PPM1E: variants seen among roughly 807,000 people sequenced by gnomAD.
PPM1E encodes protein phosphatase 1E.
A neutral mutation model predicts 65.9 loss-of-function variants in PPM1E; 20 were observed. The ratio of observed to expected loss-of-function variants is 0.30; its 90% confidence interval spans 0.21 to 0.44. The LOEUF is 0.44. Among genes scored for constraint, PPM1E ranks in the 20% least tolerant of loss-of-function variants. PPM1E has a pLI of 1.00. For missense variants in PPM1E, 713 were observed against 953.1 expected (o/e 0.75, Z 3.32); for synonymous variants, 352 against 374.9 (o/e 0.94, Z 0.70).
chr17:58,921,154 G>C (rs1177345555), intron 1 of PPM1E, among the ~76,000 whole-genome samples: 1 of 152,238 alleles, frequency 6.6e-6, no homozygotes, highest in Non-Finnish European at 1.5e-5. Flanking sequence ...TGAATGGAAT[G>C]AGTTTAAGAG....
intron 1 of PPM1E, among the ~76,000 whole-genome samples, chr17:58,913,564 G>A (rs1408350614): frequency 2.0e-5 from 3 of 152,146 alleles, no homozygotes; most frequent in African/African-American, 7.2e-5. Flanking sequence ...GCAGAAGACA[G>A]GAGTTTATTA....
chr17:58,825,224 TCACACACACACACACA>T (rs71367635), intron 1 of PPM1E, among the ~76,000 whole-genome samples: 1,642 of 140,152 alleles, frequency 0.012, 36 homozygotes, highest in African/African-American at 0.041. Context: ...ACACACACAC[TCACACACACACACACA>T]CACACACACA....
intron 1 of PPM1E, among the ~76,000 whole-genome samples, chr17:58,936,439 C>T (rs1051343965): frequency 2.0e-5 from 3 of 152,190 alleles, no homozygotes; most frequent in East Asian, 1.9e-4. Context: ...ACGAGTCTCT[C>T]TCCAAGTTAA....
chr17:58,758,142 G>T (rs2049786948), intron 1 of PPM1E, among the ~76,000 whole-genome samples: 1 of 151,530 alleles, frequency 6.6e-6, no homozygotes, highest in South Asian at 2.1e-4. Flanking sequence ...TCCAAATAAG[G>T]TCATTATTTT....
intron 1 of PPM1E, among the ~76,000 whole-genome samples, chr17:58,882,951 CTTTTTTTT>C (rs549698099): frequency 1.0e-5 from 1 of 98,836 alleles, no homozygotes; most frequent in African/African-American, 3.9e-5. Context: ...TTATTACTTT[CTTTTTTTT>C]TTTTTTTTTT....
intron 1 of PPM1E, among the ~76,000 whole-genome samples, chr17:58,797,201 A>G (rs1333938062): frequency 1.3e-5 from 2 of 152,236 alleles, no homozygotes; most frequent in Non-Finnish European, 2.9e-5. Context: ...CAAGTTTCCA[A>G]CAAGTCATTG....
chr17:58,972,334 T>C lies in PPM1E; in HGVS notation c.1116+59T>C, dbSNP rs1314730351. On this transcript the variant is annotated intron_variant, in intron 5 of 6. Transcript: ENST00000308249. ...CTAGTTATTAGTTTAGATTTTCTAG[T>C]TATTGATTAGGATTCACTTACTTTT... 1.9e-6 allele frequency: 3 copies of C among 1,540,596 alleles called. No homozygotes were observed. In the African/African-American group the frequency reaches 4.2e-5, roughly 21 times the overall value.
At chr17:58,959,333 C>T (rs2029956881) in intron 2 of PPM1E, among the ~76,000 whole-genome samples, 3 of 142,508 alleles carry the variant, frequency 2.1e-5, no homozygotes, top group South Asian at 4.6e-4. Context: ...AAAAAAACGA[C>T]TCATGCCTGT....
chr17:58,816,741 AATATATATATATATATATATATATATAT>A lies in PPM1E; in HGVS notation c.464+60307_464+60334del, dbSNP rs67568496. The stretch of plus-strand genomic sequence containing the variant: ...ATGTTGTAGCATGTATCAGAATATA[AATATATATATATATATATATATATATAT>A]ATATATATATATATATATATATATA... On this transcript the variant is annotated intron_variant, in intron 1 of 6. Coordinates refer to ENST00000308249, the MANE Select transcript of PPM1E (RefSeq NM_014906.5). 6.0e-4 allele frequency among the ~76,000 whole-genome samples: 51 copies of A among 85,268 alleles called. 5 individuals are homozygous for A. The highest frequency in any genetic ancestry group is 5.0e-3 in the East Asian group (10 of 2,002). The allele number at this position is 85,268 out of a possible 152,430, so 55.9% of individuals were successfully genotyped here. A position where few individuals can be genotyped will look rare whatever the true frequency, so the allele number is the denominator to read the frequency against.
intron 1 of PPM1E, among the ~76,000 whole-genome samples, chr17:58,816,821 G>T (rs2050430729): frequency 8.2e-6 from 1 of 121,822 alleles, no homozygotes; most frequent in African/African-American, 3.1e-5. Flanking sequence ...TTTGAGACAG[G>T]GTCTTACTCT....
intron 1 of PPM1E, among the ~76,000 whole-genome samples, chr17:58,825,212 TCA>T (rs955027575): frequency 1.4e-4 from 17 of 124,706 alleles, no homozygotes; most frequent in Admixed American, 1.3e-3. Context: ...CTATTGATTC[TCA>T]CACACACACT....
At chr17:58,818,873 G>A (rs938341879) in intron 1 of PPM1E, among the ~76,000 whole-genome samples, 5 of 152,262 alleles carry the variant, frequency 3.3e-5, no homozygotes, top group Non-Finnish European at 7.4e-5. Context: ...GCAGTGGCAC[G>A]TGCTGGTAGC....
intron 1 of PPM1E, among the ~76,000 whole-genome samples, chr17:58,804,533 C>T (rs1346946157): frequency 1.3e-5 from 2 of 152,018 alleles, no homozygotes; most frequent in East Asian, 1.9e-4. Flanking sequence ...GATGGCAATT[C>T]GAGTGCATAA....
At chr17:58,826,704 C>T (rs1345550723) in intron 1 of PPM1E, among the ~76,000 whole-genome samples, 2 of 152,122 alleles carry the variant, frequency 1.3e-5, no homozygotes, top group African/African-American at 4.8e-5. Flanking sequence ...TGGCTCACTG[C>T]AACCTCTGCC....
intron 1 of PPM1E, among the ~76,000 whole-genome samples, chr17:58,954,557 G>A (rs2029864099): frequency 6.6e-6 from 1 of 151,966 alleles, no homozygotes; most frequent in Admixed American, 6.6e-5. Context: ...GTTTCTTTCA[G>A]TTCCTTAGAT....
intron 4 of PPM1E, among the ~76,000 whole-genome samples, chr17:58,970,260 C>T (rs904912727): frequency 5.3e-5 from 8 of 152,090 alleles, no homozygotes; most frequent in African/African-American, 2.4e-5. Flanking sequence ...AAAAGAAGAG[C>T]TCATGTCCTA....
rs535327322 is a variant in PPM1E, at chr17:58,983,017, A to G, written c.*1986A>G. ...AAAAAAAAAGCTTTTTAAAATTTCT[A>G]TTGTTGTCTATTGGTAATGTTTTTG... On this transcript the variant is annotated 3_prime_UTR_variant, in exon 7 of 7. Transcript: ENST00000308249. 5.5e-6 allele frequency: 6 copies of G among 1,093,416 alleles called. No individual in the cohort carries two copies. Among genetic ancestry groups the G allele is most frequent in the African/African-American group, 3.2e-5 (2 of 62,992 alleles). 67.7% of individuals were successfully genotyped at this position (1,093,416 alleles called of 1,614,324 possible).
intron 1 of PPM1E, among the ~76,000 whole-genome samples, chr17:58,881,852 A>G (rs569593481): frequency 2.0e-5 from 3 of 151,756 alleles, no homozygotes; most frequent in Admixed American, 2.0e-4. Flanking sequence ...CAAAAAAGAA[A>G]AGGAAAGAAA....
At chr17:58,789,883 A>G (rs2050139789) in intron 1 of PPM1E, among the ~76,000 whole-genome samples, 1 of 152,094 alleles carries the variant, frequency 6.6e-6, no homozygotes, top group South Asian at 2.1e-4. Flanking sequence ...CAAGAAGCCT[A>G]ATTTTGTAGG....
Sources: gnomAD v4.1 joint callset for allele counts (sites outside exome capture counted in the v4.1 genomes callset) on GRCh38, gnomAD v4.1.1 for gene constraint, MANE v1.5 for transcripts, NCBI Gene and HGNC (gene_info 2026-07-23, HGNC 2026-07-21) for gene names.